ZC3H6: variants seen among roughly 807,000 people sequenced by gnomAD.
ZC3H6 encodes zinc finger CCCH domain-containing protein 6.
ZC3H6 carries 40 observed loss-of-function variants against 107.7 expected under a neutral mutation model. The ratio of observed to expected loss-of-function variants is 0.37; its 90% CI spans 0.29 to 0.48. The LOEUF (loss-of-function observed/expected upper bound fraction) is 0.48, where lower values mean the gene tolerates loss of function less well. Ranked by LOEUF, ZC3H6 falls within the 20% of genes least tolerant of loss-of-function variation. The probability of loss-of-function intolerance (pLI) is 0.98; values close to 1 mark genes in which losing one functional copy is unlikely to be tolerated. For synonymous variants in ZC3H6, 493 were observed against 487.9 expected, an observed-to-expected ratio of 1.01 and a Z score of -0.14; for missense variants, 1,267 against 1,410.4, an observed-to-expected ratio of 0.90 and a Z score of 1.63.
chr2:112,317,437 T>A, intron 7 of ZC3H6, 105 bp downstream of exon 7: 2 of 618,356 alleles, frequency 3.2e-6, no homozygotes, highest in Non-Finnish European at 2.6e-6. Context: ...AGTTTGGTTT[T>A]AAATTTAAAA....
chr2:112,331,709 A>C lies in ZC3H6; in HGVS notation c.2791A>C (p.Lys931Gln), dbSNP rs1414660871. 2 of 1,613,936 alleles carry C rather than the reference A, an allele frequency of 1.2e-6. No individual in the cohort carries two copies. Reference sequence around the variant, plus strand: ...TCAAAATACAGTGTCCATTGATCCAAAATTAGCAGCCAAAGCCAAAATTAA... The same window carrying C: ...TCAAAATACAGTGTCCATTGATCCACAATTAGCAGCCAAAGCCAAAATTAA... ...LHQNTVSIDP[K>Q]LAAKAKINTT... is the part of the protein sequence containing the mutation. The change falls in exon 12 of 12, where the codon AAA becomes CAA. Residue 931 changes from lysine to glutamine, a missense_variant. Physicochemically the swap from Lys to Gln is moderately conservative, Grantham distance 53 (BLOSUM62 1). This residue lies in a region of ZC3H6 where 925 missense variants were observed against 1,025.7 expected (regional missense o/e 0.90). Transcript: ENST00000409871.
At chr2:112,289,405 AGCTCC>A (rs1208159513) in intron 1 of ZC3H6, among the ~76,000 whole-genome samples, 1 of 150,604 alleles carries the variant, frequency 6.6e-6, no homozygotes, top group Non-Finnish European at 1.5e-5. Flanking sequence ...GCTCACTACA[AGCTCC>A]GCCTCCTGGT....
rs774040850 is a variant in ZC3H6, at chr2:112,291,240, C to CT, written c.33-8598dup. 5.4e-4 allele frequency among the ~76,000 whole-genome samples: 81 copies of CT among 149,650 alleles called. No homozygotes were observed. In the East Asian group the frequency reaches 6.0e-3, roughly 11 times the overall value. On this transcript the variant is annotated intron_variant, in intron 1 of 11. Coordinates refer to ENST00000409871, the MANE Select transcript of ZC3H6 (RefSeq NM_198581.3). ...ATTTTATAGTTTGTTCAATAAAATA[C>CT]TTTTTTTTTTTGGAACAGAGTCTCA...
intron 1 of ZC3H6, among the ~76,000 whole-genome samples, chr2:112,283,669 T>G (rs1166867277): frequency 6.6e-6 from 1 of 152,172 alleles, no homozygotes; most frequent in Non-Finnish European, 1.5e-5. Context: ...GGAAACAGAC[T>G]TGGAAGGGCA....
rs1401888087 is a variant in ZC3H6 at position 112,337,166 on chromosome 2, T to C, written c.*4678T>C. The C allele has an allele frequency of 6.6e-6, 1 of 152,206 alleles. No homozygotes were observed. Among genetic ancestry groups the C allele is most frequent in the Non-Finnish European group, 1.5e-5 (1 of 68,032 alleles). The allele number at this position is 152,206 out of a possible 1,614,324, so 9.4% of individuals were successfully genotyped here. A position where few individuals can be genotyped will look rare whatever the true frequency, so the allele number is the denominator to read the frequency against. Reference sequence around the variant, plus strand: ...GCAACTTAGGAGCTCCATGTTTCCATAATAATTCATAACTTTAAGAGTCCT... The same window carrying C: ...GCAACTTAGGAGCTCCATGTTTCCACAATAATTCATAACTTTAAGAGTCCT... On this transcript the variant is annotated 3_prime_UTR_variant, in exon 12 of 12. Transcript: ENST00000409871.
At chr2:112,280,083 G>C (rs1447698343) in intron 1 of ZC3H6, among the ~76,000 whole-genome samples, 1 of 151,246 alleles carries the variant, frequency 6.6e-6, no homozygotes, top group Admixed American at 6.6e-5. Flanking sequence ...TTTCATTTGT[G>C]AAATGAAGTA....
chr2:112,300,928 G>C (rs769794488), intron 2 of ZC3H6, among the ~76,000 whole-genome samples: 1 of 152,156 alleles, frequency 6.6e-6, no homozygotes, highest in African/African-American at 2.4e-5. Flanking sequence ...CATCAATTAG[G>C]ATAACACAAC....
At position 112,334,813 on chromosome 2, in the gene ZC3H6, C is replaced by T. The variant is rs554479295; in HGVS notation, c.*2325C>T. 6.6e-6 allele frequency: 1 copy of T among 152,628 alleles called. No individual in the cohort carries two copies. Among genetic ancestry groups the T allele is most frequent in the South Asian group, 2.1e-4 (1 of 4,824 alleles). 9.5% of individuals were successfully genotyped at this position (152,628 alleles called of 1,614,324 possible). A position where few individuals can be genotyped will look rare whatever the true frequency, so the allele number is the denominator to read the frequency against. ...AATTGAATAAGTAGCCATTTTCCCC[C>T]AATGAATACCTCTTCTTTTAGGTCA... is the stretch of plus-strand genomic sequence containing the variant. On this transcript the variant is annotated 3_prime_UTR_variant, in exon 12 of 12. Transcript: ENST00000409871.
chr2:112,297,832 T>C (rs2104703998), intron 1 of ZC3H6, among the ~76,000 whole-genome samples: 1 of 152,298 alleles, frequency 6.6e-6, no homozygotes, highest in East Asian at 1.9e-4. Context: ...TAATATTGAC[T>C]GGCTGGGCAC....
chr2:112,299,874 GA>G lies in ZC3H6; in HGVS notation c.61del (p.Ile21Ter). On this transcript the variant is annotated frameshift_variant, in exon 2 of 12. Transcript: ENST00000409871. LOFTEE classifies it high-confidence loss of function. ...DREDGELEDG[E>X]IDDAGFEEIQ... is the part of the protein sequence containing the mutation. ...AGAAGATGGCGAATTAGAAGATGGT[GA>G]AATAGACGATGCAGGATTTGAAGAA... The G allele has an allele frequency of 6.9e-7, 1 of 1,457,352 alleles. No homozygotes were observed. Among genetic ancestry groups the G allele is most frequent in the Non-Finnish European group, 9.0e-7 (1 of 1,106,280 alleles). 90.3% of individuals were successfully genotyped at this position (1,457,352 alleles called of 1,614,324 possible).
At chr2:112,309,446 G>GT (rs979965507) in intron 3 of ZC3H6, among the ~76,000 whole-genome samples, 1 of 152,070 alleles carries the variant, frequency 6.6e-6, no homozygotes, top group Non-Finnish European at 1.5e-5. Context: ...CACACATACA[G>GT]TTTTTTATTA....
intron 1 of ZC3H6, chr2:112,286,403 G>C (rs1198864645): frequency 6.0e-6 from 1 of 166,004 alleles, no homozygotes; most frequent in Non-Finnish European, 1.3e-5. Flanking sequence ...GGGCGAAGGA[G>C]TATACTTTGG....
intron 1 of ZC3H6, among the ~76,000 whole-genome samples, chr2:112,277,959 G>A (rs1405802038): frequency 6.6e-6 from 1 of 152,142 alleles, no homozygotes; most frequent in African/African-American, 2.4e-5. Flanking sequence ...CTGGACCTCA[G>A]CCTGGGTTTT....
In ZC3H6 at chr2:112,310,154, T is replaced by A. The variant is rs1234228919; in HGVS notation, c.606T>A (p.Val202=). Residue 202 remains valine, a synonymous_variant, in exon 4 of 12, where the codon GTT becomes GTA. Transcript: ENST00000409871. ...ESGKKQRMKG[V]QQGIEQRVKS... Reference sequence around the variant, plus strand: ...GAAAAAAACAGAGAATGAAAGGAGTTCAGCAAGGTAAGTTTGAAATTACAG... The same window carrying A: ...GAAAAAAACAGAGAATGAAAGGAGTACAGCAAGGTAAGTTTGAAATTACAG... The A allele has an allele frequency of 6.2e-7, 1 of 1,611,570 alleles. No individual in the cohort carries two copies. The highest frequency in any genetic ancestry group is 1.3e-5 in the African/African-American group (1 of 74,850).
chr2:112,293,521 A>T (rs1215505352), intron 1 of ZC3H6, among the ~76,000 whole-genome samples: 1 of 152,226 alleles, frequency 6.6e-6, no homozygotes, highest in Non-Finnish European at 1.5e-5. Context: ...GAAAATGGAG[A>T]TACAAAAAGC....
chr2:112,282,036 A>C (rs1408446508), intron 1 of ZC3H6, among the ~76,000 whole-genome samples: 1 of 152,016 alleles, frequency 6.6e-6, no homozygotes, highest in Non-Finnish European at 1.5e-5. Flanking sequence ...TGTATTTGAA[A>C]GCATTTAAGG....
chr2:112,285,064 T>C (rs1686581766), intron 1 of ZC3H6, among the ~76,000 whole-genome samples: 1 of 152,210 alleles, frequency 6.6e-6, no homozygotes, highest in Non-Finnish European at 1.5e-5. Flanking sequence ...CTTTGTATTT[T>C]TCGTTAAAGT....
At chr2:112,314,504 G>A (rs888364309) in intron 5 of ZC3H6, among the ~76,000 whole-genome samples, 3 of 152,064 alleles carry the variant, frequency 2.0e-5, no homozygotes, top group African/African-American at 4.8e-5. Flanking sequence ...TGGAAGTAAT[G>A]TATACAGAAA....
chr2:112,276,244 A>G (rs1686419647), intron 1 of ZC3H6, among the ~76,000 whole-genome samples: 1 of 147,982 alleles, frequency 6.8e-6, no homozygotes, highest in South Asian at 2.1e-4. Flanking sequence ...GCTGCTCGCC[A>G]GCGCCGGCCC....
Sources: gnomAD v4.1 joint callset for allele counts (sites outside exome capture counted in the v4.1 genomes callset) on GRCh38, gnomAD v4.1.1 for gene constraint, gnomAD v4.1.1 regional missense constraint, MANE v1.5 for transcripts, NCBI Gene and HGNC (gene_info 2026-07-23, HGNC 2026-07-21) for gene names.